Variants in JAZF1 observed in about 807,000 individuals in gnomAD.
JAZF1 encodes the protein juxtaposed with another zinc finger protein 1.
Under a neutral mutation model 26.4 loss-of-function variants are expected in JAZF1, and 8 were observed. That is an observed-to-expected ratio of 0.30 (90% CI 0.18 to 0.55). The LOEUF is 0.55. Ranked by LOEUF, JAZF1 falls within the 20% of genes least tolerant of loss-of-function variation. The pLI, the probability that JAZF1 is intolerant of heterozygous loss-of-function variation, is 0.94. For missense variants in JAZF1, 199 were observed against 322.0 expected (o/e 0.62, Z 2.92); for synonymous variants, 126 against 122.3 (o/e 1.03, Z -0.20).
intron 1 of JAZF1, among the ~76,000 whole-genome samples, chr7:28,148,374 G>C (rs1055065481): frequency 5.3e-5 from 8 of 152,090 alleles, no homozygotes; most frequent in Non-Finnish European, 1.2e-4. Context: ...CCTGGCCCAC[G>C]TGTTTCTTTA....
rs1333102707 is a variant in JAZF1, at chr7:27,989,516, T to C, written c.188+2393A>G. Among the ~76,000 whole-genome samples the C allele has an allele frequency of 2.0e-5, 3 of 151,752 alleles. No homozygotes were observed. In the East Asian group the frequency reaches 5.8e-4, roughly 29 times the overall value. ...AGGCAACCTACAGAATGGGAGAAAA[T>C]TTTTACAATCTACCCATCTGACAAA... On this transcript the variant is annotated intron_variant, in intron 2 of 4. Transcript: ENST00000283928.
intron 1 of JAZF1, among the ~76,000 whole-genome samples, chr7:28,056,462 A>T (rs1412804373): frequency 6.7e-6 from 1 of 148,744 alleles, no homozygotes. Context: ...ACACACACAC[A>T]CACACACACA....
chr7:28,091,764 A>T (rs192977524), intron 1 of JAZF1, among the ~76,000 whole-genome samples: 1 of 152,224 alleles, frequency 6.6e-6, no homozygotes, highest in African/African-American at 2.4e-5. Flanking sequence ...TTCAACATTC[A>T]TATTGCTGTT....
At chr7:28,121,186 G>A (rs200918830) in intron 1 of JAZF1, among the ~76,000 whole-genome samples, 16 of 134,142 alleles carry the variant, frequency 1.2e-4, no homozygotes, top group South Asian at 2.5e-4. Context: ...AGACTGTCTC[G>A]AAAAAAAAAG....
At chr7:28,044,035 T>G (rs2128378110) in intron 1 of JAZF1, among the ~76,000 whole-genome samples, 1 of 152,226 alleles carries the variant, frequency 6.6e-6, no homozygotes, top group South Asian at 2.1e-4. Context: ...TTTGGGGTGA[T>G]GAAAATGTTC....
chr7:27,940,325 G>A (rs906037703), intron 2 of JAZF1, among the ~76,000 whole-genome samples: 3 of 152,000 alleles, frequency 2.0e-5, no homozygotes, highest in African/African-American at 4.8e-5. Flanking sequence ...GCCACCCCCC[G>A]TGATCAGCCT....
chr7:28,121,314 T>C (rs372586049), intron 1 of JAZF1, among the ~76,000 whole-genome samples: 38 of 152,132 alleles, frequency 2.5e-4, no homozygotes, highest in South Asian at 4.1e-4. Flanking sequence ...CTAAGGGAGA[T>C]AGCTGTTACC....
intron 2 of JAZF1, among the ~76,000 whole-genome samples, chr7:27,904,137 C>A (rs764758282): frequency 9.9e-5 from 15 of 152,100 alleles, no homozygotes; most frequent in Non-Finnish European, 1.8e-4. Context: ...GGATAGAGAA[C>A]CAGTAAGTAA....
At chr7:27,975,644 A>T (rs958400239) in intron 2 of JAZF1, among the ~76,000 whole-genome samples, 1 of 152,166 alleles carries the variant, frequency 6.6e-6, no homozygotes, top group Admixed American at 6.5e-5. Flanking sequence ...AAAAAGAAAT[A>T]GGAAATCCAA....
intron 1 of JAZF1, among the ~76,000 whole-genome samples, chr7:28,129,927 C>A (rs1316143516): frequency 6.6e-6 from 1 of 151,964 alleles, no homozygotes; most frequent in Non-Finnish European, 1.5e-5. Context: ...ATAACACTAT[C>A]GGTATCTTTC....
intron 1 of JAZF1, among the ~76,000 whole-genome samples, chr7:28,036,224 T>C (rs916318594): frequency 1.3e-4 from 20 of 152,250 alleles, no homozygotes; most frequent in African/African-American, 4.6e-4. Flanking sequence ...GATTCCATTA[T>C]ACATTCAAGT....
Position 27,895,498 on chromosome 7 carries a change from G to C in JAZF1, c.189-82C>G. On this transcript the variant is annotated intron_variant, in intron 2 of 4. Coordinates refer to ENST00000283928, the MANE Select transcript of JAZF1 (RefSeq NM_175061.4). The stretch of plus-strand genomic sequence containing the variant: ...TGACATTTATTAGAGTTTCAGACAT[G>C]CACGACCCTGGAAAAGGACCTTGGC... 3 of 1,024,578 alleles carry C rather than the reference G, an allele frequency of 2.9e-6. No homozygotes were observed. In the South Asian group the frequency reaches 6.1e-5, roughly 21 times the overall value. 63.5% of individuals were successfully genotyped at this position (1,024,578 alleles called of 1,614,324 possible).
At position 27,936,132 on chromosome 7, in the gene JAZF1, A is replaced by C. The variant is rs556068863; in HGVS notation, c.189-40716T>G. ...CATTCTTCATTTCTTTTTCCTAAAA[A>C]TGTTGTTAAAGAACAAGAAAAGATT... On this transcript the variant is annotated intron_variant, in intron 2 of 4. Transcript: ENST00000283928. Among the ~76,000 whole-genome samples, 4 of 152,372 alleles carry C rather than the reference A, an allele frequency of 2.6e-5. No homozygotes were observed. The East Asian group carries it at 7.7e-4, about 29-fold the overall frequency.
At chr7:27,934,891 G>A (rs1209976065) in intron 2 of JAZF1, among the ~76,000 whole-genome samples, 1 of 152,152 alleles carries the variant, frequency 6.6e-6, no homozygotes, top group East Asian at 1.9e-4. Flanking sequence ...TGTTGCAAAT[G>A]ATATCGTCAA....
chr7:28,134,788 T>C (rs1432861946), intron 1 of JAZF1, among the ~76,000 whole-genome samples: 5 of 152,224 alleles, frequency 3.3e-5, no homozygotes, highest in Admixed American at 6.5e-5. Context: ...GTGTGACTCC[T>C]ACAGTATACT....
intron 3 of JAZF1, among the ~76,000 whole-genome samples, chr7:27,844,808 C>G (rs1465173296): frequency 6.6e-6 from 1 of 152,230 alleles, no homozygotes; most frequent in Admixed American, 6.5e-5. Context: ...ACATCACAGT[C>G]TGCACTGAGG....
At chr7:27,997,125 A>T (rs566884049) in intron 1 of JAZF1, among the ~76,000 whole-genome samples, 3 of 152,304 alleles carry the variant, frequency 2.0e-5, no homozygotes, top group Non-Finnish European at 4.4e-5. Flanking sequence ...AGTCTCAAGT[A>T]CCTGCAGTGG....
intron 2 of JAZF1, among the ~76,000 whole-genome samples, chr7:27,946,737 T>C (rs931973887): frequency 6.6e-6 from 1 of 152,212 alleles, no homozygotes; most frequent in Non-Finnish European, 1.5e-5. Flanking sequence ...TTCTGTCTTA[T>C]GTTGTAGCTG....
At chr7:27,881,094 T>C (rs1381470957) in intron 3 of JAZF1, among the ~76,000 whole-genome samples, 2 of 152,274 alleles carry the variant, frequency 1.3e-5, no homozygotes, top group East Asian at 1.9e-4. Flanking sequence ...CATTTTTCTT[T>C]GATTTAAAGA....
Sources: allele counts gnomAD v4.1 joint callset (sites outside exome capture counted in the v4.1 genomes callset), GRCh38; gene constraint gnomAD v4.1.1; transcripts MANE v1.5; gene names NCBI Gene and HGNC (gene_info 2026-07-23, HGNC 2026-07-21).